The following NFATC2 variants were observed in gnomAD, a reference collection of about 807,000 sequenced individuals.
NFATC2 encodes the protein nuclear factor of activated T cells 2.
Under a neutral mutation model 87.3 loss-of-function variants are expected in NFATC2, and 22 were observed. The observed-to-expected ratio is 0.25, with a 90% CI of 0.18 to 0.36. The LOEUF is 0.36. Among genes scored for constraint, NFATC2 ranks in the 10% least tolerant of loss-of-function variants. NFATC2 has a pLI of 1.00. For missense variants in NFATC2, 1,149 were observed against 1,259.1 expected, an observed-to-expected ratio of 0.91 and a Z score of 1.32; for synonymous variants, 565 against 542.2, an observed-to-expected ratio of 1.04 and a Z score of -0.58.
chr20:51,530,362 T>A (rs1427076472), intron 1 of NFATC2, among the ~76,000 whole-genome samples: 3 of 152,014 alleles, frequency 2.0e-5, no homozygotes. Flanking sequence ...AGAGACAGGG[T>A]TTCACCATGT....
chr20:51,398,722 C>G lies in NFATC2; in HGVS notation c.2731G>C (p.Asp911His), dbSNP rs755913349. The G allele has an allele frequency of 1.2e-6, 2 of 1,610,254 alleles. No individual in the cohort carries two copies. Among genetic ancestry groups the G allele is most frequent in the East Asian group, 4.5e-5 (2 of 44,856 alleles). Reference protein sequence around the residue: ...DQTYLDDELIDTHLSWIQNIL With the variant: ...DQTYLDDELIHTHLSWIQNIL Reference sequence around the variant, plus strand: ...TTTTGTATCCAGCTAAGGTGTGTGTCTATCAGCTCTGAAAAAGATTTGCAA... The same window carrying G: ...TTTTGTATCCAGCTAAGGTGTGTGTGTATCAGCTCTGAAAAAGATTTGCAA... Residue 911 changes from aspartate to histidine, a missense_variant, in exon 10 of 11, where the codon GAC (aspartate) becomes CAC (histidine). By Grantham distance (81) the Asp-to-His change is moderately conservative. Transcript: ENST00000371564.
intron 6 of NFATC2, among the ~76,000 whole-genome samples, chr20:51,443,675 C>T (rs1436036520): frequency 6.6e-6 from 1 of 152,164 alleles, no homozygotes; most frequent in East Asian, 1.9e-4. Flanking sequence ...TCTGGGCAGA[C>T]CTACCCCCGT....
At chr20:51,419,160 A>T (rs1455883426) in intron 9 of NFATC2, among the ~76,000 whole-genome samples, 63 of 152,210 alleles carry the variant, frequency 4.1e-4, no homozygotes, top group Non-Finnish European at 5.9e-5. Flanking sequence ...ATCAAGTCAT[A>T]CAAAATATCC....
intron 10 of NFATC2, among the ~76,000 whole-genome samples, chr20:51,397,714 C>CATAGGGAAGTAGG (rs1454222619): frequency 6.6e-6 from 1 of 152,066 alleles, no homozygotes; most frequent in African/African-American, 2.4e-5. Flanking sequence ...TTCCTTCTGC[C>CATAGGGAAGTAGG]ATAGGGAAGT....
At chr20:51,496,701 C>T (rs759431063) in intron 3 of NFATC2, among the ~76,000 whole-genome samples, 1 of 152,134 alleles carries the variant, frequency 6.6e-6, no homozygotes, top group Non-Finnish European at 1.5e-5. Flanking sequence ...GTAACTTGCC[C>T]AGGGTCACAA....
intron 3 of NFATC2, among the ~76,000 whole-genome samples, chr20:51,497,890 CG>C: frequency 6.6e-6 from 1 of 152,154 alleles, no homozygotes. Context: ...CTGCAGCCCC[CG>C]GGGGAACTCA....
intron 5 of NFATC2, among the ~76,000 whole-genome samples, chr20:51,470,076 G>C (rs141260854): frequency 6.6e-6 from 1 of 152,190 alleles, no homozygotes; most frequent in Admixed American, 6.5e-5. Flanking sequence ...GAACTGCTCC[G>C]TGCCAAGTGG....
intron 9 of NFATC2, among the ~76,000 whole-genome samples, chr20:51,407,030 T>C (rs1368824349): frequency 6.6e-6 from 1 of 152,164 alleles, no homozygotes; most frequent in Non-Finnish European, 1.5e-5. Flanking sequence ...TCCACAGTCT[T>C]CCTTAGTATA....
At position 51,521,702 on chromosome 20, in the gene NFATC2, G is replaced by A. The variant is rs56051254; in HGVS notation, c.1160+1379C>T. ...AAATAACCTGAAAACCACAGGGATC[G>A]TGGTAATAGCATGAGTCTTCCAATT... On this transcript the variant is annotated intron_variant, in intron 2 of 10. Transcript: ENST00000371564. Among the ~76,000 whole-genome samples, 1,085 of 152,342 alleles carry A rather than the reference G, an allele frequency of 7.1e-3. 10 individuals are homozygous for A. The highest frequency in any genetic ancestry group is 0.025 in the African/African-American group (1,044 of 41,580).
intron 5 of NFATC2, among the ~76,000 whole-genome samples, chr20:51,466,753 A>G (rs1243058913): frequency 6.6e-6 from 1 of 152,210 alleles, no homozygotes; most frequent in Non-Finnish European, 1.5e-5. Context: ...GGCTTCATCA[A>G]AATAAAATAT....
chr20:51,390,441 A>G lies in NFATC2; in HGVS notation c.*1055T>C, dbSNP rs994792045. 3.3e-5 allele frequency: 5 copies of G among 152,192 alleles called. No individual in the cohort carries two copies. Among genetic ancestry groups the G allele is most frequent in the East Asian group, 1.9e-4 (1 of 5,194 alleles). The allele number at this position is 152,192 out of a possible 1,614,324, so 9.4% of individuals were successfully genotyped here. On this transcript the variant is annotated 3_prime_UTR_variant, in exon 11 of 11. Coordinates refer to ENST00000371564, the MANE Select transcript of NFATC2 (RefSeq NM_012340.5). Reference sequence around the variant, plus strand: ...GCTTTAGCCCTTCTGCTATTCCTCAATTAAATGCACATGCTTGAGATTCTC... The same window carrying G: ...GCTTTAGCCCTTCTGCTATTCCTCAGTTAAATGCACATGCTTGAGATTCTC...
At chr20:51,499,777 G>C (rs895545628) in intron 3 of NFATC2, among the ~76,000 whole-genome samples, 1 of 141,242 alleles carries the variant, frequency 7.1e-6, no homozygotes, top group Non-Finnish European at 1.5e-5. Flanking sequence ...GAAAGAAAAA[G>C]AAATCTAAAA....
chr20:51,478,415 C>T (rs142125427), intron 3 of NFATC2, among the ~76,000 whole-genome samples: 24 of 152,238 alleles, frequency 1.6e-4, no homozygotes, highest in African/African-American at 5.3e-4. Flanking sequence ...GAGCTGTTTC[C>T]TCCTCAATGA....
At chr20:51,396,658 A>AATCAAAGAATC (rs1483717498) in intron 10 of NFATC2, among the ~76,000 whole-genome samples, 1 of 149,386 alleles carries the variant, frequency 6.7e-6, no homozygotes, top group African/African-American at 2.6e-5. Flanking sequence ...CTCCAGGCCA[A>AATCAAAGAATC]ATCAAAGAAT....
chr20:51,497,942 G>C (rs2076016404), intron 3 of NFATC2, among the ~76,000 whole-genome samples: 1 of 152,058 alleles, frequency 6.6e-6, no homozygotes, highest in Non-Finnish European at 1.5e-5. Flanking sequence ...AAAACCACAA[G>C]GGAACACCCA....
chr20:51,407,167 C>T (rs77570263), intron 9 of NFATC2, among the ~76,000 whole-genome samples: 1,636 of 152,276 alleles, frequency 0.011, 32 homozygotes, highest in African/African-American at 0.037. Context: ...TTGCCTTAGA[C>T]GTTTGGAGGG....
rs377512964 is a variant in NFATC2 at position 51,439,928 on chromosome 20, T to A, written c.1850-4167A>T. Among the ~76,000 whole-genome samples the A allele has an allele frequency of 6.6e-5, 10 of 152,322 alleles. No homozygotes were observed. In the East Asian group the frequency reaches 1.2e-3, roughly 18 times the overall value. On this transcript the variant is annotated intron_variant, in intron 6 of 10. Transcript: ENST00000371564. ...TGAAGATTAAATATGGTAACAGACC[T>A]GAGCAGGGTATTATATAAATGTTCA...
chr20:51,492,208 A>T (rs1320427467), intron 3 of NFATC2, among the ~76,000 whole-genome samples: 2 of 151,816 alleles, frequency 1.3e-5, no homozygotes, highest in Non-Finnish European at 2.9e-5. Flanking sequence ...TGTCTAGACG[A>T]GGTCCCTGGC....
chr20:51,461,368 G>A (rs1987128599), intron 5 of NFATC2, among the ~76,000 whole-genome samples: 1 of 152,170 alleles, frequency 6.6e-6, no homozygotes, highest in African/African-American at 2.4e-5. Context: ...TGCTTTTAAA[G>A]TCATCTTTGA....
Sources: gnomAD v4.1 joint callset for allele counts (sites outside exome capture counted in the v4.1 genomes callset) on GRCh38, gnomAD v4.1.1 for gene constraint, MANE v1.5 for transcripts, NCBI Gene and HGNC (gene_info 2026-07-23, HGNC 2026-07-21) for gene names.